Variants in RALGAPA2 observed in about 807,000 individuals in gnomAD.
RALGAPA2 encodes the protein Ral GTPase activating protein catalytic subunit alpha 2.
A neutral mutation model predicts 230.4 loss-of-function variants in RALGAPA2; 139 were observed. The observed-to-expected ratio is 0.60, with a 90% CI of 0.53 to 0.69. The LOEUF (loss-of-function observed/expected upper bound fraction) is 0.69. RALGAPA2 is among the 30% of genes least tolerant of loss of function. The probability of loss-of-function intolerance (pLI) is 0.00; values close to 1 mark genes in which losing one functional copy is unlikely to be tolerated. For synonymous variants in RALGAPA2, 847 were observed against 837.8 expected (o/e 1.01, Z -0.19); for missense variants, 2,163 against 2,276.0 (o/e 0.95, Z 1.01).
Position 20,591,207 on chromosome 20 carries a change from G to A in RALGAPA2, c.2311C>T (p.Pro771Ser), listed in dbSNP as rs750894324. The change falls in exon 17 of 40, where the codon CCC becomes TCC. Residue 771 changes from proline (P) to serine (S), a missense_variant. Transcript: ENST00000202677. ...VLRSSSTSDI[P>S]EPLCSDSSQG... ...GAAGAATCTGAGCACAGCGGCTCGG[G>A]GATGTCGGAGGTGCTGCTGCTCCGA... 12 of 1,613,864 alleles carry A rather than the reference G, an allele frequency of 7.4e-6. No homozygotes were observed. In the East Asian group the frequency reaches 2.7e-4, roughly 36 times the overall value.
rs759768574 is a variant in RALGAPA2, at chr20:20,495,174, G to A, written c.5310C>T (p.Ile1770=). 1.9e-6 allele frequency: 3 copies of A among 1,611,714 alleles called. No homozygotes were observed. In the East Asian group the frequency reaches 6.7e-5, roughly 36 times the overall value. The change falls in exon 36 of 40, where the codon ATC becomes ATT. Residue 1770 remains isoleucine, a synonymous_variant. Coordinates refer to ENST00000202677, the MANE Select transcript of RALGAPA2 (RefSeq NM_020343.4). ...IIPTAFGDVS[I]IIYPMKNHMF... The stretch of plus-strand genomic sequence containing the variant: ...TGTGATTCTTCATTGGGTAAATAAT[G>A]ATTGAAACATCTCCAAAGGCAGTTG...
intron 23 of RALGAPA2, among the ~76,000 whole-genome samples, chr20:20,570,192 A>ATG (rs986911088): frequency 2.4e-4 from 36 of 152,314 alleles, no homozygotes; most frequent in African/African-American, 3.6e-4. Context: ...TACACTGCTA[A>ATG]AATCACAATG....
At chr20:20,558,143 T>C (rs1029235171) in intron 23 of RALGAPA2, among the ~76,000 whole-genome samples, 1 of 152,210 alleles carries the variant, frequency 6.6e-6, no homozygotes, top group Non-Finnish European at 1.5e-5. Context: ...TAGCTGGGAT[T>C]ACAGGCATCC....
chr20:20,644,363 T>C (rs2067140956), intron 4 of RALGAPA2, among the ~76,000 whole-genome samples: 1 of 152,190 alleles, frequency 6.6e-6, no homozygotes, highest in Non-Finnish European at 1.5e-5. Flanking sequence ...CTTTAACAAC[T>C]GGATATCAAA....
intron 36 of RALGAPA2, among the ~76,000 whole-genome samples, chr20:20,483,817 T>A (rs577243042): frequency 6.6e-6 from 1 of 152,178 alleles, no homozygotes; most frequent in East Asian, 1.9e-4. Flanking sequence ...GAGAATCAAG[T>A]GCCAGACAGG....
intron 3 of RALGAPA2, 126 bp from the exon 4 acceptor site, chr20:20,653,713 T>G (rs2067489605): frequency 3.6e-6 from 2 of 551,650 alleles, no homozygotes; most frequent in Non-Finnish European, 6.5e-6. Context: ...ATAACATAAA[T>G]ACTGCACTTC....
Position 20,413,164 on chromosome 20 carries a change from G to A in RALGAPA2, c.5496-1016C>T, listed in dbSNP as rs369419598. ...AATTCTCCGGGAACACAGGGAATGC[G>A]GATCACCATCAGTTTATTATTGGCA... On this transcript the variant is annotated intron_variant, in intron 37 of 39. Transcript: ENST00000202677. Among the ~76,000 whole-genome samples, 88 of 152,298 alleles carry A rather than the reference G, an allele frequency of 5.8e-4. 3 individuals carry two copies. In the South Asian group the frequency reaches 0.016, roughly 27 times the overall value.
chr20:20,669,001 T>C (rs900816057), intron 3 of RALGAPA2, among the ~76,000 whole-genome samples: 3 of 152,282 alleles, frequency 2.0e-5, no homozygotes, highest in Admixed American at 6.5e-5. Context: ...AATGACAAGA[T>C]AGAAACAGGG....
chr20:20,578,685 T>G (rs889524441), intron 20 of RALGAPA2, among the ~76,000 whole-genome samples: 1 of 152,160 alleles, frequency 6.6e-6, no homozygotes, highest in African/African-American at 2.4e-5. Context: ...CCTCGGTCTC[T>G]GAAAAAAATT....
intron 23 of RALGAPA2, among the ~76,000 whole-genome samples, chr20:20,558,198 G>T (rs544826973): frequency 8.5e-5 from 13 of 152,144 alleles, no homozygotes; most frequent in African/African-American, 3.1e-4. Flanking sequence ...TAGAGATGGG[G>T]CTTCGCCATG....
intron 23 of RALGAPA2, among the ~76,000 whole-genome samples, chr20:20,565,668 G>T (rs568430207): frequency 6.6e-6 from 1 of 152,142 alleles, no homozygotes; most frequent in South Asian, 2.1e-4. Flanking sequence ...GTGACAAAAC[G>T]TTCATAAAAA....
At chr20:20,474,802 A>G (rs983552594) in intron 36 of RALGAPA2, among the ~76,000 whole-genome samples, 6 of 152,162 alleles carry the variant, frequency 3.9e-5, no homozygotes, top group African/African-American at 1.4e-4. Flanking sequence ...GTGATGATGT[A>G]TTGGGCAGGA....
Position 20,472,882 on chromosome 20 carries a change from CG to C in RALGAPA2, c.5441del (p.Thr1814SerfsTer9). 1 of 1,613,602 alleles carries C rather than the reference CG, an allele frequency of 6.2e-7. No individual in the cohort carries two copies. Among genetic ancestry groups the C allele is most frequent in the Non-Finnish European group, 8.5e-7 (1 of 1,179,684 alleles). On this transcript the variant is annotated frameshift_variant, in exon 37 of 40. Transcript: ENST00000202677. LOFTEE classifies it high-confidence loss of function. ...TCACAGCCCTGCTGGCGTTGATGCA[CG>C]TGGCACATACAAGGCTTGGCAGCAG... ...GKLLPSLVCA[T>X]CINASRAVKC...
At chr20:20,710,988 C>T (rs907001704) in intron 1 of RALGAPA2, among the ~76,000 whole-genome samples, 1 of 152,218 alleles carries the variant, frequency 6.6e-6, no homozygotes, top group African/African-American at 2.4e-5. Flanking sequence ...TGCATGGTAT[C>T]TACAGGAAGT....
At chr20:20,662,447 T>C (rs7274533) in intron 3 of RALGAPA2, among the ~76,000 whole-genome samples, 1,693 of 152,194 alleles carry the variant, frequency 0.011, 29 homozygotes, top group African/African-American at 0.039. Context: ...ATCCATAGAC[T>C]TGAATTTCCT....
chr20:20,589,343 CTG>C lies in RALGAPA2; in HGVS notation c.2362_2363del (p.Gln788GlufsTer14), dbSNP rs973122316. The C allele has an allele frequency of 1.3e-6, 2 of 1,589,778 alleles. No individual in the cohort carries two copies. The highest frequency in any genetic ancestry group is 1.1e-5 in the South Asian group (1 of 87,476). The part of the protein sequence containing the change: ...SSQGQKAENT[Q>X]NSSSSEPQPI... The stretch of plus-strand genomic sequence containing the variant: ...GCTGAGGCTCTGAAGAACTCGAATT[CTG>C]TGTGTTTTCTGCCTTTTGACCTAGA... On this transcript the variant is annotated frameshift_variant, in exon 18 of 40. Transcript: ENST00000202677. LOFTEE classifies it high-confidence loss of function.
chr20:20,695,725 G>T (rs552326363), intron 1 of RALGAPA2, among the ~76,000 whole-genome samples: 1 of 152,266 alleles, frequency 6.6e-6, no homozygotes, highest in East Asian at 1.9e-4. Flanking sequence ...GGTTCAGTTA[G>T]CAACACTGGT....
Position 20,572,907 on chromosome 20 carries a change from A to G in RALGAPA2, c.2869T>C (p.Tyr957His). ...SPKIHARVFC[Y>H]LYELWYKLAK... ...AGTTTGTACCAGAGTTCATAGAGAT[A>G]GCAGAAAACTCTGGCATGGATCTTG... Residue 957 changes from tyrosine to histidine, a missense_variant, in exon 21 of 40, where the codon TAT (tyrosine) becomes CAT (histidine). Coordinates refer to ENST00000202677, the MANE Select transcript of RALGAPA2 (RefSeq NM_020343.4). 7.7e-6 allele frequency: 12 copies of G among 1,561,874 alleles called. No individual in the cohort carries two copies. The highest frequency in any genetic ancestry group is 1.0e-5 in the Non-Finnish European group (12 of 1,152,228).
At chr20:20,455,644 C>T (rs1309538098) in intron 37 of RALGAPA2, among the ~76,000 whole-genome samples, 2 of 152,136 alleles carry the variant, frequency 1.3e-5, no homozygotes, top group Non-Finnish European at 1.5e-5. Context: ...AAGAATGTTC[C>T]TCCAGCGGCT....
Sources: gnomAD v4.1 joint callset for allele counts (sites outside exome capture counted in the v4.1 genomes callset) on GRCh38, gnomAD v4.1.1 for gene constraint, MANE v1.5 for transcripts, NCBI Gene and HGNC (gene_info 2026-07-23, HGNC 2026-07-21) for gene names.